Variants in FRMD4B observed in about 807,000 individuals in gnomAD.
FRMD4B encodes the protein FERM domain-containing protein 4B.
In FRMD4B, 74 loss-of-function variants were observed where a neutral mutation model predicts 141.5. That is an observed-to-expected ratio of 0.52 (90% CI 0.43 to 0.63). FRMD4B has a LOEUF of 0.63. FRMD4B is among the 30% of genes least tolerant of loss of function. The pLI, the probability that FRMD4B is intolerant of heterozygous loss-of-function variation, is 0.00. For synonymous variants in FRMD4B, 506 were observed against 467.9 expected (o/e 1.08, Z -1.05); for missense variants, 1,366 against 1,253.4 (o/e 1.09, Z -1.36).
chr3:69,448,914 C>G (rs957330854), intron 1 of FRMD4B, among the ~76,000 whole-genome samples: 1 of 152,084 alleles, frequency 6.6e-6, no homozygotes, highest in Non-Finnish European at 1.5e-5. Flanking sequence ...ACTGGGGAGG[C>G]TGAGTTTTCA....
intron 1 of FRMD4B, among the ~76,000 whole-genome samples, chr3:69,376,319 T>C (rs929975306): frequency 6.6e-6 from 1 of 152,148 alleles, no homozygotes; most frequent in Non-Finnish European, 1.5e-5. Flanking sequence ...CATAGATTTT[T>C]CCCTATATTA....
At chr3:69,174,132 G>A (rs575393081) in intron 22 of FRMD4B, among the ~76,000 whole-genome samples, 53 of 55,102 alleles carry the variant, frequency 9.6e-4, no homozygotes, top group Admixed American at 4.2e-3. Flanking sequence ...ACAAGGCTCC[G>A]TCTTGGGAAG....
chr3:69,187,233 G>T (rs1211013269), intron 19 of FRMD4B, among the ~76,000 whole-genome samples: 3 of 152,048 alleles, frequency 2.0e-5, no homozygotes, highest in African/African-American at 7.2e-5. Flanking sequence ...ATGGTCAAAT[G>T]CATTTTAAAA....
At chr3:69,419,519 C>T (rs1704932827) in intron 2 of FRMD4B, among the ~76,000 whole-genome samples, 3 of 152,064 alleles carry the variant, frequency 2.0e-5, no homozygotes. Flanking sequence ...TTATCCTTCA[C>T]TGGCTCACTG....
chr3:69,387,141 C>T (rs1559842486), upstream of FRMD4B, among the ~76,000 whole-genome samples: 3 of 152,076 alleles, frequency 2.0e-5, no homozygotes. Flanking sequence ...CTCTGTCTTC[C>T]TTTATTTATT....
At chr3:69,455,339 G>C (rs1479115558) in intron 1 of FRMD4B, among the ~76,000 whole-genome samples, 1 of 152,204 alleles carries the variant, frequency 6.6e-6, no homozygotes, top group Non-Finnish European at 1.5e-5. Flanking sequence ...AATTTTTGCA[G>C]TTGCTTGTTA....
chr3:69,364,877 A>ATTTTT (rs1384436895), intron 1 of FRMD4B, among the ~76,000 whole-genome samples: 1,615 of 121,854 alleles, frequency 0.013, 20 homozygotes, highest in African/African-American at 0.048. Flanking sequence ...TTTTTTTAAA[A>ATTTTT]AAATAAATAA....
chr3:69,218,436 G>T, intron 9 of FRMD4B, 57 bp from the exon 10 acceptor site: 1 of 728,056 alleles, frequency 1.4e-6, no homozygotes, highest in Non-Finnish European at 2.3e-6. Flanking sequence ...GACCCTTTTG[G>T]GAAAAGTGAT....
At chr3:69,529,987 C>T (rs1700988401) in intron 1 of FRMD4B, among the ~76,000 whole-genome samples, 1 of 152,210 alleles carries the variant, frequency 6.6e-6, no homozygotes, top group South Asian at 2.1e-4. Flanking sequence ...CCTGATTGGT[C>T]CTTTTTCCCA....
intron 4 of FRMD4B, among the ~76,000 whole-genome samples, chr3:69,300,347 G>C (rs1404340868): frequency 1.3e-5 from 2 of 152,164 alleles, no homozygotes; most frequent in African/African-American, 4.8e-5. Flanking sequence ...ACTTGATAAG[G>C]GTTTAAACAT....
intron 16 of FRMD4B, among the ~76,000 whole-genome samples, chr3:69,194,547 CT>C (rs943526089): frequency 1.3e-5 from 2 of 152,170 alleles, no homozygotes; most frequent in Admixed American, 1.3e-4. Context: ...TCTATATTGG[CT>C]AACAAATATT....
At chr3:69,529,617 G>A (rs1429635610) in intron 1 of FRMD4B, among the ~76,000 whole-genome samples, 1 of 152,142 alleles carries the variant, frequency 6.6e-6, no homozygotes, top group Non-Finnish European at 1.5e-5. Context: ...TGCACTCAGA[G>A]CAAAGGAAGT....
rs73838335 is a variant in FRMD4B at position 69,280,575 on chromosome 3, G to C, written c.501+7177C>G. On this transcript the variant is annotated intron_variant, in intron 5 of 22. Coordinates refer to ENST00000398540, the MANE Select transcript of FRMD4B (RefSeq NM_015123.3). Reference sequence around the variant, plus strand: ...AACGTTCAGAATTAAAGGAAAGAGGGAGTTTAAACTCAGGATGTCATGGAT... The same window carrying C: ...AACGTTCAGAATTAAAGGAAAGAGGCAGTTTAAACTCAGGATGTCATGGAT... Among the ~76,000 whole-genome samples, 899 of 152,234 alleles carry C rather than the reference G, an allele frequency of 5.9e-3. 9 individuals carry two copies. Among genetic ancestry groups the C allele is most frequent in the African/African-American group, 0.02 (836 of 41,526 alleles).
intron 5 of FRMD4B, among the ~76,000 whole-genome samples, chr3:69,267,630 TATATATAGAGAGAG>T (rs2093572429): frequency 8.2e-4 from 9 of 10,910 alleles, no homozygotes; most frequent in African/African-American, 2.5e-3. Flanking sequence ...TATATATATA[TATATATAGAGAGAG>T]AGAGAGAGAG....
At chr3:69,381,478 C>G (rs1036409489) in intron 1 of FRMD4B, among the ~76,000 whole-genome samples, 1 of 152,148 alleles carries the variant, frequency 6.6e-6, no homozygotes, top group Non-Finnish European at 1.5e-5. Flanking sequence ...GCTTTCCTTA[C>G]AAACAAGACT....
chr3:69,344,912 A>T (rs1702879854), intron 1 of FRMD4B, among the ~76,000 whole-genome samples: 1 of 152,128 alleles, frequency 6.6e-6, no homozygotes, highest in African/African-American at 2.4e-5. Context: ...AGCTTGAGCG[A>T]TGCAGAAGAT....
At chr3:69,542,276 C>G (rs1269137355) in exon 1 of FRMD4B, 1 of 152,206 alleles carries the variant, frequency 6.6e-6, no homozygotes, top group Admixed American at 6.5e-5. Flanking sequence ...GGCTGCGCAC[C>G]GCGCGGGACC....
At chr3:69,280,539 C>A (rs1463325228) in intron 5 of FRMD4B, among the ~76,000 whole-genome samples, 2 of 152,102 alleles carry the variant, frequency 1.3e-5, no homozygotes, top group African/African-American at 4.8e-5. Context: ...AAGAGCATCA[C>A]CATGTACAAC....
intron 21 of FRMD4B, 129 bp downstream of exon 21, chr3:69,180,770 G>A: frequency 7.8e-6 from 5 of 637,476 alleles, no homozygotes; most frequent in Non-Finnish European, 1.4e-5. Context: ...TTATTGTGGG[G>A]TTCCACCGAA....
Sources: allele counts gnomAD v4.1 joint callset (sites outside exome capture counted in the v4.1 genomes callset), GRCh38; gene constraint gnomAD v4.1.1; transcripts MANE v1.5; gene names NCBI Gene and HGNC (gene_info 2026-07-23, HGNC 2026-07-21).